Variants in LGR5 observed in about 807,000 individuals in gnomAD.
The protein encoded by LGR5 is leucine-rich repeat-containing G protein-coupled receptor 5.
A neutral mutation model predicts 76.7 loss-of-function variants in LGR5; 54 were observed. The ratio of observed to expected loss-of-function variants is 0.70; its 90% confidence interval spans 0.57 to 0.88. The LOEUF (loss-of-function observed/expected upper bound fraction) is 0.88, where lower values mean the gene tolerates loss of function less well. LGR5 is among the 40% of genes least tolerant of loss of function. The probability of loss-of-function intolerance (pLI) is 0.00; values close to 1 mark genes in which losing one functional copy is unlikely to be tolerated. For missense variants in LGR5, 1,078 were observed against 1,073.3 expected, an observed-to-expected ratio of 1.00 and a Z score of -0.06; for synonymous variants, 406 against 421.9, an observed-to-expected ratio of 0.96 and a Z score of 0.46.
chr12:71,450,530 G>A (rs934623284), intron 1 of LGR5, among the ~76,000 whole-genome samples: 3 of 151,958 alleles, frequency 2.0e-5, no homozygotes, highest in Admixed American at 6.6e-5. Flanking sequence ...GGCTGGTCTC[G>A]AACTCCTGGC....
chr12:71,493,345 T>A (rs1592487629), intron 1 of LGR5, among the ~76,000 whole-genome samples: 1 of 151,356 alleles, frequency 6.6e-6, no homozygotes, highest in East Asian at 1.9e-4. Context: ...TATAAACTGA[T>A]ATAAATCAGG....
At chr12:71,569,997 T>C (rs757929311) in intron 11 of LGR5, among the ~76,000 whole-genome samples, 2 of 152,220 alleles carry the variant, frequency 1.3e-5, no homozygotes, top group Non-Finnish European at 2.9e-5. Context: ...AATCAGATCA[T>C]GTCCTTTGCA....
rs192575994 is a variant in LGR5 at position 71,527,883 on chromosome 12, G to A, written c.356+3406G>A. The stretch of plus-strand genomic sequence containing the variant: ...ATCTTTGGTTGTCCAGATGATTGGC[G>A]TGTAGCAAGCTGTCCTGCAATGTGC... On this transcript the variant is annotated intron_variant, in intron 3 of 17. Coordinates refer to ENST00000266674, the MANE Select transcript of LGR5 (RefSeq NM_003667.4). Among the ~76,000 whole-genome samples, 438 of 152,302 alleles carry A rather than the reference G, an allele frequency of 2.9e-3. 2 individuals carry two copies. The highest frequency in any genetic ancestry group is 4.4e-3 in the Admixed American group (68 of 15,294).
In LGR5 at chr12:71,440,258, C is replaced by A. The variant is rs1434639640; in HGVS notation, c.178C>A (p.Leu60Met). 3 of 1,612,902 alleles carry A rather than the reference C, an allele frequency of 1.9e-6. No individual in the cohort carries two copies. Among genetic ancestry groups the A allele is most frequent in the African/African-American group, 1.3e-5 (1 of 75,052 alleles). ...CTGCTCCGACCTGGGGCTCTCGGAG[C>A]TGCCTTCCAACCTCAGCGTCTTCAC... ...VDCSDLGLSE[L>M]PSNLSVFTSY... The change falls in exon 1 of 18, where the codon CTG (leucine) becomes ATG (methionine). Residue 60 changes from leucine (L) to methionine (M), a missense_variant. Transcript: ENST00000266674. The surrounding 1 kb of genome is among the most constrained non-coding windows in gnomAD (Gnocchi z 5.3).
chr12:71,509,818 T>C (rs1208827055), intron 2 of LGR5, among the ~76,000 whole-genome samples: 2 of 152,164 alleles, frequency 1.3e-5, no homozygotes, highest in Non-Finnish European at 2.9e-5. Context: ...AAAAGAAACA[T>C]GAGAAGCTCT....
intron 16 of LGR5, 144 bp downstream of exon 16, chr12:71,580,567 A>G: frequency 1.3e-6 from 1 of 770,752 alleles, no homozygotes; most frequent in Non-Finnish European, 2.1e-6. Context: ...AGGCCGAGGC[A>G]GATGGATCAC....
Position 71,566,896 on chromosome 12 carries a change from C to T in LGR5, c.1054C>T (p.Pro352Ser), listed in dbSNP as rs1406302400. ...TCCTCAAACCGTCTGCAATCAGTTA[C>T]CTAATCTCCAAGTGCTGTGCGTATC... ...SLPQTVCNQL[P>S]NLQVLDLSYN... is the part of the protein sequence containing the mutation. The change falls in exon 11 of 18, where the codon CCT (proline) becomes TCT (serine). Residue 352 changes from proline (P) to serine (S), a missense_variant. Transcript: ENST00000266674. 1.2e-6 allele frequency: 2 copies of T among 1,613,264 alleles called. No individual in the cohort carries two copies. Among genetic ancestry groups the T allele is most frequent in the Non-Finnish European group, 1.7e-6 (2 of 1,179,236 alleles).
At chr12:71,569,994 T>A (rs569976541) in intron 11 of LGR5, among the ~76,000 whole-genome samples, 19 of 152,162 alleles carry the variant, frequency 1.2e-4, no homozygotes, top group Admixed American at 2.6e-4. Flanking sequence ...AGAAATCAGA[T>A]CATGTCCTTT....
intron 12 of LGR5, among the ~76,000 whole-genome samples, 185 bp from the exon 13 acceptor site, chr12:71,572,665 G>A (rs942391291): frequency 1.3e-5 from 2 of 152,162 alleles, no homozygotes; most frequent in African/African-American, 4.8e-5. Context: ...CTTTGAAAGA[G>A]ACAATACTTG....
chr12:71,531,144 T>A lies in LGR5; in HGVS notation c.357-3971T>A, dbSNP rs190754350. Among the ~76,000 whole-genome samples, 205 of 152,366 alleles carry A rather than the reference T, an allele frequency of 1.3e-3. 1 individual carries two copies. The highest frequency in any genetic ancestry group is 4.8e-3 in the African/African-American group (200 of 41,592). ...CATCTTTTGTCTCTAGAGAAAGTAT[T>A]CCATTTGCTTTTCCTAATCATATGT... On this transcript the variant is annotated intron_variant, in intron 3 of 17. Coordinates refer to ENST00000266674, the MANE Select transcript of LGR5 (RefSeq NM_003667.4).
At chr12:71,478,148 A>G (rs1035219961) in intron 1 of LGR5, among the ~76,000 whole-genome samples, 3 of 152,234 alleles carry the variant, frequency 2.0e-5, no homozygotes, top group Non-Finnish European at 4.4e-5. Context: ...TGTTCTAAAA[A>G]GACTTTAAAT....
intron 6 of LGR5, among the ~76,000 whole-genome samples, chr12:71,557,462 T>C (rs1877827246): frequency 6.6e-6 from 1 of 152,214 alleles, no homozygotes; most frequent in African/African-American, 2.4e-5. Context: ...ATTACATATC[T>C]AGTCAGTAGC....
At chr12:71,472,542 G>A (rs1873147500) in intron 1 of LGR5, among the ~76,000 whole-genome samples, 1 of 152,156 alleles carries the variant, frequency 6.6e-6, no homozygotes, top group Non-Finnish European at 1.5e-5. Context: ...GATATAATAG[G>A]TTTCACAAAG....
At chr12:71,559,923 T>C (rs534563431) in intron 7 of LGR5, among the ~76,000 whole-genome samples, 2 of 152,342 alleles carry the variant, frequency 1.3e-5, no homozygotes, top group Admixed American at 1.3e-4. Context: ...TTCTAAGCCA[T>C]ACATACTCTC....
In LGR5 at chr12:71,566,636, C is replaced by G. The variant is rs747358426; in HGVS notation, c.934C>G (p.Leu312Val). Residue 312 changes from leucine to valine, a missense_variant, in exon 10 of 18, where the codon CTG (leucine) becomes GTG (valine). Physicochemically the swap from Leu to Val is conservative, Grantham distance 32 (BLOSUM62 1). Transcript: ENST00000266674. ...QHLPELRTLT[L>V]NGASQITEFP... is the part of the protein sequence containing the mutation. ...CTTATATACTCCTCTTTCTAGGACT[C>G]TGAATGGTGCCTCACAAATAACTGA... 7 of 1,612,216 alleles carry G rather than the reference C, an allele frequency of 4.3e-6. No homozygotes were observed. Among genetic ancestry groups the G allele is most frequent in the South Asian group, 2.2e-5 (2 of 91,034 alleles).
At chr12:71,484,600 T>C (rs1197236438) in intron 1 of LGR5, among the ~76,000 whole-genome samples, 3 of 152,182 alleles carry the variant, frequency 2.0e-5, no homozygotes, top group Non-Finnish European at 4.4e-5. Flanking sequence ...TTACAGGCTT[T>C]TGATTCTGGA....
At chr12:71,574,792 T>C (rs1878776885) in intron 13 of LGR5, among the ~76,000 whole-genome samples, 2 of 152,128 alleles carry the variant, frequency 1.3e-5, no homozygotes, top group South Asian at 2.1e-4. Context: ...CTTGTCCCCC[T>C]GCCCATTTCA....
At chr12:71,535,223 C>T in intron 4 of LGR5, 37 bp downstream of exon 4, 1 of 1,349,074 alleles carries the variant, frequency 7.4e-7, no homozygotes, top group Non-Finnish European at 1.1e-6. Context: ...TATTTAAGAT[C>T]AATTTGGGAA....
At chr12:71,508,424 A>T (rs1874967500) in intron 2 of LGR5, among the ~76,000 whole-genome samples, 1 of 152,140 alleles carries the variant, frequency 6.6e-6, no homozygotes, top group Non-Finnish European at 1.5e-5. Context: ...AAGAATCAAT[A>T]AAGCGCTAGA....
Sources: gnomAD v4.1 joint callset for allele counts (sites outside exome capture counted in the v4.1 genomes callset) on GRCh38, gnomAD v4.1.1 for gene constraint, Gnocchi (gnomAD v3.1) non-coding constraint, MANE v1.5 for transcripts, NCBI Gene and HGNC (gene_info 2026-07-23, HGNC 2026-07-21) for gene names.